TCP1: variants seen among roughly 807,000 people sequenced by gnomAD.
The protein encoded by TCP1 is t-complex 1, also known as T-complex protein 1 subunit alpha.
Under a neutral mutation model 54.7 loss-of-function variants are expected in TCP1, and 6 were observed. That is an observed-to-expected ratio of 0.11 (90% CI 0.06 to 0.22). The LOEUF (loss-of-function observed/expected upper bound fraction) is 0.22, where lower values mean the gene tolerates loss of function less well. Among genes scored for constraint, TCP1 ranks in the 10% least tolerant of loss-of-function variants. The pLI, the probability that TCP1 is intolerant of heterozygous loss-of-function variation, is 1.00. For synonymous variants in TCP1, 225 were observed against 229.7 expected (o/e 0.98, Z 0.19); for missense variants, 511 against 678.2 (o/e 0.75, Z 2.74).
chr6:159,785,992 A>G lies in TCP1; in HGVS notation c.285T>C (p.Ile95=), dbSNP rs1562484696. 1.2e-6 allele frequency: 2 copies of G among 1,613,300 alleles called. No homozygotes were observed. Among genetic ancestry groups the G allele is most frequent in the Non-Finnish European group, 8.5e-7 (1 of 1,179,532 alleles). ...EVGDGTTSVV[I]IAAELLKNAD... ...CATTTTTTAGGAGTTCTGCTGCAAT[A>G]ATAACCTGTTGAGAAAACATTCACT... The change falls in exon 4 of 12, where the codon ATT becomes ATC. Residue 95 remains isoleucine (I), a synonymous_variant. Coordinates refer to ENST00000321394, the MANE Select transcript of TCP1 (RefSeq NM_030752.3).
At chr6:159,785,645 C>A in intron 4 of TCP1, 149 bp from the exon 5 acceptor site, 2 of 808,884 alleles carry the variant, frequency 2.5e-6, no homozygotes, top group South Asian at 1.3e-5. Context: ...AAAACCCTCC[C>A]TCTTCAGATC....
chr6:159,788,307 G>T, intron 1 of TCP1, 164 bp from the exon 2 acceptor site: 2 of 619,692 alleles, frequency 3.2e-6, no homozygotes, highest in South Asian at 3.9e-5. Context: ...AGTGTAAATG[G>T]GGCCAGACAC....
chr6:159,786,134 T>G (rs757413967), intron 3 of TCP1, 137 bp from the exon 4 acceptor site: 32 of 664,964 alleles, frequency 4.8e-5, no homozygotes, highest in Non-Finnish European at 7.7e-5. Flanking sequence ...ATTAGAAACC[T>G]GGGCGTGAAG....
chr6:159,779,799 A>T lies in TCP1; in HGVS notation c.1291-9T>A. On this transcript the variant is annotated splice_polypyrimidine_tract_variant and intron_variant, in intron 10 of 11. Coordinates refer to ENST00000321394, the MANE Select transcript of TCP1 (RefSeq NM_030752.3). ...AGCTGTTCCCGAGACCCCTAGGAAA[A>T]GAAGAAAATTAGGTGACTTCACAAA... The T allele has an allele frequency of 6.3e-7, 1 of 1,587,854 alleles. No homozygotes were observed. Among genetic ancestry groups the T allele is most frequent in the South Asian group, 1.2e-5 (1 of 86,188 alleles).
intron 1 of TCP1, 143 bp downstream of exon 1, chr6:159,789,262 G>A (rs1780787651): frequency 2.3e-6 from 2 of 882,650 alleles, no homozygotes; most frequent in Non-Finnish European, 3.4e-6. Context: ...CCAGAGAACG[G>A]CGGGTGGGCT....
chr6:159,787,596 TTTTG>T, intron 3 of TCP1, 143 bp downstream of exon 3: 1 of 692,454 alleles, frequency 1.4e-6, no homozygotes, highest in Non-Finnish European at 2.0e-6. Context: ...GTGTAACTTC[TTTTG>T]TTTTTTCTTC....
chr6:159,784,525 C>CA (rs1780649029), intron 6 of TCP1, 141 bp downstream of exon 6: 1 of 850,762 alleles, frequency 1.2e-6, no homozygotes, highest in Admixed American at 2.9e-5. Flanking sequence ...AGGCTGCTCT[C>CA]AAACTCCTGC....
chr6:159,787,447 A>G (rs1170912907), intron 3 of TCP1, among the ~76,000 whole-genome samples: 1 of 152,170 alleles, frequency 6.6e-6, no homozygotes, highest in Non-Finnish European at 1.5e-5. Flanking sequence ...ACTTGTGAAT[A>G]CCAACATTTA....
intron 3 of TCP1, 34 bp from the exon 4 acceptor site, chr6:159,786,031 C>T (rs201795008): frequency 2.7e-5 from 41 of 1,544,940 alleles, no homozygotes; most frequent in Non-Finnish European, 3.2e-5. Flanking sequence ...CTGAGTGTGC[C>T]GGATATTCAA....
intron 5 of TCP1, 151 bp from the exon 6 acceptor site, chr6:159,784,998 C>G (rs1780659269): frequency 1.4e-6 from 1 of 739,408 alleles, no homozygotes; most frequent in Admixed American, 2.6e-5. Context: ...ACAACATTAT[C>G]ACTATCTGCA....
intron 7 of TCP1, among the ~76,000 whole-genome samples, chr6:159,783,196 G>C (rs914659036): frequency 6.6e-6 from 1 of 152,098 alleles, no homozygotes; most frequent in Admixed American, 6.5e-5. Context: ...AAAGGCTCTA[G>C]AGCAGAAGGA....
chr6:159,778,726 T>C lies in TCP1; in HGVS notation c.*319A>G. On this transcript the variant is annotated 3_prime_UTR_variant, in exon 12 of 12. Transcript: ENST00000321394. ...GGAGCATCTGGCTGTCGAATTCTTG[T>C]GACCCTGTTACACACACTGGAGAGA... 1 of 1,614,246 alleles carries C rather than the reference T, an allele frequency of 6.2e-7. No homozygotes were observed. Among genetic ancestry groups the C allele is most frequent in the Non-Finnish European group, 8.5e-7 (1 of 1,180,036 alleles).
At chr6:159,788,585 GA>G (rs56336043) in intron 1 of TCP1, 256 of 147,470 alleles carry the variant, frequency 1.7e-3, no homozygotes, top group Middle Eastern at 6.9e-3. Context: ...TGATGGCGGG[GA>G]AAAAAAAAAA....
At position 159,779,789 on chromosome 6, in the gene TCP1, C is replaced by T. The variant is rs1780526978; in HGVS notation, c.1292G>A (p.Gly431Glu). ...TGCAATCGCAAGCTGTTCCCGAGACCCCTAGGAAAAGAAGAAAATTAGGTG... is the reference window on the plus strand; with the variant it reads ...TGCAATCGCAAGCTGTTCCCGAGACTCCTAGGAAAAGAAGAAAATTAGGTG... ...IYLENYATSM[G>E]SREQLAIAEF... The change falls in exon 11 of 12, where the codon GGG becomes GAG. Residue 431 changes from glycine (G) to glutamate (E), a missense_variant and splice_region_variant. Coordinates refer to ENST00000321394, the MANE Select transcript of TCP1 (RefSeq NM_030752.3). The T allele has an allele frequency of 6.3e-7, 1 of 1,588,606 alleles. No individual in the cohort carries two copies. The highest frequency in any genetic ancestry group is 1.2e-5 in the South Asian group (1 of 86,266).
Position 159,780,511 on chromosome 6 carries a change from T to C in TCP1, c.1029A>G (p.Ala343=), listed in dbSNP as rs1277904278. The C allele has an allele frequency of 6.2e-6, 10 of 1,613,994 alleles. No individual in the cohort carries two copies. Among genetic ancestry groups the C allele is most frequent in the African/African-American group, 1.3e-5 (1 of 74,944 alleles). Reference sequence around the variant, plus strand: ...CCACTTCTTCTGCCTGTCCCAACATTGCAGCTTCAAAAGTTTCTTCACCTT... The same window carrying C: ...CCACTTCTTCTGCCTGTCCCAACATCGCAGCTTCAAAAGTTTCTTCACCTT... ...NLEGEETFEA[A]MLGQAEEVVQ... is the part of the protein sequence containing the mutation. Residue 343 remains alanine, a synonymous_variant, in exon 9 of 12, where the codon GCA becomes GCG. Transcript: ENST00000321394.
intron 3 of TCP1, 76 bp downstream of exon 3, chr6:159,787,667 G>A: frequency 5.2e-6 from 8 of 1,539,736 alleles, no homozygotes; most frequent in Non-Finnish European, 7.1e-6. Context: ...CAGCACAAAT[G>A]ACCCACTTAT....
Position 159,785,959 on chromosome 6 carries a change from T to C in TCP1, c.318A>G (p.Glu106=). The C allele has an allele frequency of 6.2e-7, 1 of 1,613,928 alleles. No individual in the cohort carries two copies. The highest frequency in any genetic ancestry group is 2.2e-5 in the East Asian group (1 of 44,876). The change falls in exon 4 of 12, where the codon GAA becomes GAG. Residue 106 remains glutamate, a synonymous_variant. Coordinates refer to ENST00000321394, the MANE Select transcript of TCP1 (RefSeq NM_030752.3). ...TGGGATGAATTTTCTGTTTGACTAA[T>C]TCATCTGCATTTTTTAGGAGTTCTG... ...IAAELLKNAD[E]LVKQKIHPTS... is the part of the protein sequence containing the mutation.
intron 3 of TCP1, 118 bp from the exon 4 acceptor site, chr6:159,786,115 T>A: frequency 1.4e-6 from 1 of 724,098 alleles, no homozygotes; most frequent in Non-Finnish European, 2.3e-6. Flanking sequence ...TGAAATGAAT[T>A]AACTGGTTAT....
chr6:159,783,273 G>A (rs2114993258), intron 7 of TCP1, among the ~76,000 whole-genome samples: 1 of 152,114 alleles, frequency 6.6e-6, no homozygotes, highest in South Asian at 2.1e-4. Context: ...TTTGTTGTAT[G>A]AGGAAGGAAG....
Sources: allele counts gnomAD v4.1 joint callset (sites outside exome capture counted in the v4.1 genomes callset), GRCh38; gene constraint gnomAD v4.1.1; transcripts MANE v1.5; gene names NCBI Gene and HGNC (gene_info 2026-07-23, HGNC 2026-07-21).